HS6ST2: variants seen among roughly 807,000 people sequenced by gnomAD.
The protein encoded by HS6ST2 is heparan sulfate 6-O-sulfotransferase 2.
Under a neutral mutation model 33.0 loss-of-function variants are expected in HS6ST2, and 17 were observed. That is an observed-to-expected ratio of 0.52 (90% CI 0.35 to 0.77). The LOEUF (loss-of-function observed/expected upper bound fraction) is 0.77. Ranked by LOEUF, HS6ST2 falls within the 30% of genes least tolerant of loss-of-function variation. HS6ST2 has a pLI of 0.01. For missense variants in HS6ST2, 519 were observed against 551.7 expected (o/e 0.94, Z 0.59); for synonymous variants, 248 against 237.1 (o/e 1.05, Z -0.42).
At chrX:132,868,998 T>C (rs776055166) in intron 2 of HS6ST2, among the ~76,000 whole-genome samples, 146 of 109,401 alleles carry the variant, frequency 1.3e-3, no homozygotes, top group African/African-American at 4.0e-3. Flanking sequence ...AGGAGGTATT[T>C]TTTTTTTAAA....
intron 2 of HS6ST2, among the ~76,000 whole-genome samples, chrX:132,862,900 C>T (rs1413599638): frequency 8.9e-6 from 1 of 111,925 alleles, no homozygotes; most frequent in African/African-American, 3.3e-5. Context: ...GGATCTACAT[C>T]AAGAAAGCTT....
chrX:132,857,597 T>C (rs1179757358), intron 2 of HS6ST2, among the ~76,000 whole-genome samples: 1 of 110,652 alleles, frequency 9.0e-6, no homozygotes, highest in Non-Finnish European at 1.9e-5. Context: ...AGTACGGAGG[T>C]TGATTAAAGA....
At chrX:132,718,570 C>T (rs766989953) in intron 2 of HS6ST2, among the ~76,000 whole-genome samples, 1 of 111,364 alleles carries the variant, frequency 9.0e-6, no homozygotes, top group South Asian at 3.9e-4. Flanking sequence ...CCACTGAGAG[C>T]TGGGGACTGC....
intron 1 of HS6ST2, 46 bp from the exon 2 acceptor site, chrX:132,957,372 G>C (rs767142994): frequency 1.8e-6 from 2 of 1,118,447 alleles, no homozygotes; most frequent in African/African-American, 3.7e-5. Context: ...AGCTCAGCCC[G>C]CGCTCGTCGT....
intron 2 of HS6ST2, among the ~76,000 whole-genome samples, chrX:132,733,232 C>T (rs939099625): frequency 3.6e-5 from 4 of 111,931 alleles, no homozygotes; most frequent in African/African-American, 1.3e-4. Context: ...ATTTTCCAAT[C>T]TCTTAGGGTT....
At chrX:132,905,088 T>C (rs2066459351) in intron 2 of HS6ST2, among the ~76,000 whole-genome samples, 1 of 111,954 alleles carries the variant, frequency 8.9e-6, no homozygotes, top group Non-Finnish European at 1.9e-5. Flanking sequence ...TATTTATTTT[T>C]CCCAGCTATA....
At chrX:132,815,510 C>T (rs1439110283) in intron 2 of HS6ST2, among the ~76,000 whole-genome samples, 1 of 111,970 alleles carries the variant, frequency 8.9e-6, no homozygotes, top group Non-Finnish European at 1.9e-5. Flanking sequence ...ATGCTCTCAA[C>T]TGTTACTATG....
chrX:132,907,762 C>T (rs1433202662), intron 2 of HS6ST2, among the ~76,000 whole-genome samples: 1 of 112,190 alleles, frequency 8.9e-6, no homozygotes, highest in Non-Finnish European at 1.9e-5. Flanking sequence ...ATGCCATATT[C>T]AAAAATTAAC....
At chrX:132,772,651 AATTGTATGCAATATAATTAT>A (rs1179529962) in intron 2 of HS6ST2, among the ~76,000 whole-genome samples, 2 of 100,117 alleles carry the variant, frequency 2.0e-5, no homozygotes, top group Middle Eastern at 5.2e-3. Context: ...TACACAATAT[AATTGTATGCAATATAATTAT>A]ATTGTATACA....
rs993495345 is a variant in HS6ST2, at chrX:132,956,803, C to A, written c.947+5G>T. The A allele has an allele frequency of 2.6e-6, 3 of 1,156,281 alleles. No homozygotes were observed. The highest frequency in any genetic ancestry group is 3.5e-6 in the Non-Finnish European group (3 of 865,299). ...GGTCCCGCTCGACTACCGGCGCGCACTCACCTGGACGGTCTCAGCCTGGCG... is the reference window on the plus strand; with the variant it reads ...GGTCCCGCTCGACTACCGGCGCGCAATCACCTGGACGGTCTCAGCCTGGCG... On this transcript the variant is annotated splice_donor_5th_base_variant and intron_variant, in intron 2 of 4. Transcript: ENST00000370833.
chrX:132,868,004 G>T (rs746048397), intron 2 of HS6ST2, among the ~76,000 whole-genome samples: 2 of 111,926 alleles, frequency 1.8e-5, no homozygotes, highest in South Asian at 3.8e-4. Context: ...TGGATAAAGA[G>T]TCAAGACCCA....
chrX:132,919,940 C>G (rs2066634262), intron 2 of HS6ST2, among the ~76,000 whole-genome samples: 1 of 111,796 alleles, frequency 8.9e-6, no homozygotes, highest in Non-Finnish European at 1.9e-5. Flanking sequence ...CATTAGTCAG[C>G]GTACGGAAAA....
At chrX:132,778,374 G>GTTGTT (rs202015293) in intron 2 of HS6ST2, among the ~76,000 whole-genome samples, 27 of 111,266 alleles carry the variant, frequency 2.4e-4, no homozygotes, top group Admixed American at 5.7e-4. Flanking sequence ...AGCAAAAAAC[G>GTTGTT]TTGTTTTGTT....
chrX:132,665,261 C>T (rs1231425453), intron 4 of HS6ST2, among the ~76,000 whole-genome samples: 1 of 111,771 alleles, frequency 8.9e-6, no homozygotes, highest in Non-Finnish European at 1.9e-5. Context: ...AGATCTGGCT[C>T]CTGGCCTCCC....
At chrX:132,685,755 A>T (rs1473899148) in intron 3 of HS6ST2, among the ~76,000 whole-genome samples, 1 of 111,409 alleles carries the variant, frequency 9.0e-6, no homozygotes, top group African/African-American at 3.3e-5. Flanking sequence ...CATTTGACTG[A>T]TTCCCAAAAT....
intron 2 of HS6ST2, among the ~76,000 whole-genome samples, chrX:132,859,700 T>G (rs1411958705): frequency 3.0e-5 from 2 of 65,656 alleles, no homozygotes; most frequent in Non-Finnish European, 5.5e-5. Context: ...AAAGAAAGAA[T>G]GAAGAAAAGA....
At position 132,760,870 on chromosome X, in the gene HS6ST2, C is replaced by CT. The variant is rs900451271; in HGVS notation, c.948-52377dup. 5.4e-5 allele frequency among the ~76,000 whole-genome samples: 6 copies of CT among 110,308 alleles called. No homozygotes were observed. The East Asian group carries it at 1.4e-3, about 26-fold the overall frequency. On this transcript the variant is annotated intron_variant, in intron 2 of 4. Transcript: ENST00000370833. Reference sequence around the variant, plus strand: ...TGAGGCCCGGGCCAAAGGCGTTACACTTTTTTTTTCTTTAAAAACAAAAAC... The same window carrying CT: ...TGAGGCCCGGGCCAAAGGCGTTACACTTTTTTTTTTCTTTAAAAACAAAAAC...
chrX:132,900,447 G>A (rs1439392164), intron 2 of HS6ST2, among the ~76,000 whole-genome samples: 2 of 111,380 alleles, frequency 1.8e-5, no homozygotes, highest in Non-Finnish European at 3.8e-5. Flanking sequence ...CAGATATAGT[G>A]GCTCATGCCT....
At chrX:132,737,612 G>A (rs1482437768) in intron 2 of HS6ST2, among the ~76,000 whole-genome samples, 1 of 112,187 alleles carries the variant, frequency 8.9e-6, no homozygotes, top group African/African-American at 3.2e-5. Context: ...TTAAATACCA[G>A]TTTGACTAAC....
Sources: gnomAD v4.1 joint callset for allele counts (sites outside exome capture counted in the v4.1 genomes callset) on GRCh38, gnomAD v4.1.1 for gene constraint, MANE v1.5 for transcripts, NCBI Gene and HGNC (gene_info 2026-07-23, HGNC 2026-07-21) for gene names.